FAT3: variants seen among roughly 807,000 people sequenced by gnomAD.
FAT3 encodes protocadherin Fat 3.
A neutral mutation model predicts 310.2 loss-of-function variants in FAT3; 95 were observed. The observed-to-expected ratio is 0.31, with a 90% confidence interval of 0.26 to 0.36. The LOEUF is 0.36. FAT3 is among the 10% of genes least tolerant of loss of function. The pLI is 1.00. For synonymous variants in FAT3, 2,314 were observed against 2,192.9 expected, an observed-to-expected ratio of 1.06 and a Z score of -1.54; for missense variants, 5,408 against 5,715.6, an observed-to-expected ratio of 0.95 and a Z score of 1.74.
chr11:92,886,758 G>A, intron 24 of FAT3: 1 of 446,204 alleles, frequency 2.2e-6, no homozygotes, highest in East Asian at 3.9e-5. Context: ...ACTTTTGGCT[G>A]TCAGCTGTTT....
At chr11:92,412,736 T>TATACACAC (rs1555038593) in intron 2 of FAT3, among the ~76,000 whole-genome samples, 6 of 14,962 alleles carry the variant, frequency 4.0e-4, no homozygotes, top group East Asian at 4.7e-3. Context: ...TATATATATA[T>TATACACAC]ATATATATAA....
At chr11:92,809,235 A>G (rs57222362) in intron 12 of FAT3, among the ~76,000 whole-genome samples, 2,265 of 151,434 alleles carry the variant, frequency 0.015, 72 homozygotes, top group African/African-American at 0.052. Flanking sequence ...CTCCGACTTG[A>G]CTCCTCCCCA....
At chr11:92,299,961 C>T (rs894775049) in intron 1 of FAT3, among the ~76,000 whole-genome samples, 13 of 152,120 alleles carry the variant, frequency 8.5e-5, no homozygotes, top group Non-Finnish European at 1.0e-4. Flanking sequence ...CTGACATTAA[C>T]CTTTCTTTTT....
chr11:92,629,652 C>T (rs572449), intron 3 of FAT3, among the ~76,000 whole-genome samples: 83,160 of 151,806 alleles, frequency 0.55, 23,844 homozygotes, highest in African/African-American at 0.72. Context: ...CTCAAGCAAT[C>T]CTCCTGCCTC....
chr11:92,877,483 A>G (rs1949561069), intron 22 of FAT3, among the ~76,000 whole-genome samples: 1 of 152,052 alleles, frequency 6.6e-6, no homozygotes, highest in South Asian at 2.1e-4. Flanking sequence ...TAAAGTAAAT[A>G]TGATGTGCTT....
rs149255689 is a variant in FAT3, at chr11:92,301,787, G to A, written c.-17-50309G>A. ...ATGTCCAAACTAGATCATCTTGTGT[G>A]CCTCATAGTGGGTCTAGAGTGTTGT... is the stretch of plus-strand genomic sequence containing the variant. On this transcript the variant is annotated intron_variant, in intron 1 of 27. Coordinates refer to ENST00000525166, the MANE Select transcript of FAT3 (RefSeq NM_001367949.2). 3.5e-4 allele frequency among the ~76,000 whole-genome samples: 54 copies of A among 152,150 alleles called. No individual in the cohort carries two copies. In the East Asian group the frequency reaches 6.8e-3, roughly 19 times the overall value.
intron 1 of FAT3, among the ~76,000 whole-genome samples, chr11:92,247,437 G>A (rs755716374): frequency 2.6e-5 from 4 of 151,316 alleles, no homozygotes; most frequent in East Asian, 2.0e-4. Flanking sequence ...GTAATTCACC[G>A]CACGTTTTCA....
intron 3 of FAT3, among the ~76,000 whole-genome samples, chr11:92,550,231 G>A (rs970521673): frequency 2.0e-5 from 3 of 151,962 alleles, no homozygotes; most frequent in Non-Finnish European, 4.4e-5. Flanking sequence ...TTCCAAAAGG[G>A]GTCTTTTTTT....
chr11:92,299,586 A>T (rs1303693509), intron 1 of FAT3, among the ~76,000 whole-genome samples: 1 of 152,130 alleles, frequency 6.6e-6, no homozygotes, highest in South Asian at 2.1e-4. Context: ...GAGCAAGGTA[A>T]CAACAGAGGG....
intron 3 of FAT3, among the ~76,000 whole-genome samples, chr11:92,594,997 ATGTGTGTGTG>A (rs56275316): frequency 1.5e-4 from 22 of 149,228 alleles, no homozygotes; most frequent in African/African-American, 5.4e-4. Context: ...TCATGAATAA[ATGTGTGTGTG>A]TGTGTGTGTG....
intron 2 of FAT3, among the ~76,000 whole-genome samples, chr11:92,382,615 C>T (rs1384240145): frequency 6.6e-6 from 1 of 152,130 alleles, no homozygotes; most frequent in Non-Finnish European, 1.5e-5. Context: ...TACCCATCAG[C>T]CTCCAGCTTG....
chr11:92,649,874 C>CATGT lies in FAT3; in HGVS notation c.3608-47508_3608-47507insGTAT, dbSNP rs1300301742. Among the ~76,000 whole-genome samples, 176 of 49,632 alleles carry CATGT rather than the reference C, an allele frequency of 3.5e-3. 1 individual carries two copies. Among genetic ancestry groups the CATGT allele is most frequent in the Middle Eastern group, 0.017 (1 of 60 alleles). 32.6% of individuals were successfully genotyped at this position (49,632 alleles called of 152,430 possible). ...TTGTTAAACACCCACTTTGTATGTT[C>CATGT]ATATATATATATATATATATATATA... On this transcript the variant is annotated intron_variant, in intron 3 of 27. Transcript: ENST00000525166.
chr11:92,588,151 C>G (rs954842322), intron 3 of FAT3, among the ~76,000 whole-genome samples: 2 of 151,960 alleles, frequency 1.3e-5, no homozygotes, highest in African/African-American at 4.8e-5. Flanking sequence ...ATGCTGTAGA[C>G]TTGGAGAGCA....
At chr11:92,308,149 G>A (rs189471730) in intron 1 of FAT3, among the ~76,000 whole-genome samples, 3 of 152,220 alleles carry the variant, frequency 2.0e-5, no homozygotes, top group Non-Finnish European at 2.9e-5. Context: ...GTGTGTATGT[G>A]AGTGTGTGTG....
intron 1 of FAT3, among the ~76,000 whole-genome samples, chr11:92,237,468 A>G (rs746053741): frequency 1.6e-4 from 24 of 152,106 alleles, no homozygotes; most frequent in Non-Finnish European, 2.9e-5. Context: ...CTTTTATATA[A>G]CTTTTAATCA....
chr11:92,489,666 C>T lies in FAT3; in HGVS notation c.3293-34968C>T, dbSNP rs533819008. Among the ~76,000 whole-genome samples, 13 of 152,156 alleles carry T rather than the reference C, an allele frequency of 8.5e-5. No homozygotes were observed. The South Asian group carries it at 2.7e-3, about 32-fold the overall frequency. On this transcript the variant is annotated intron_variant, in intron 2 of 27. Coordinates refer to ENST00000525166, the MANE Select transcript of FAT3 (RefSeq NM_001367949.2). ...TTAATATCTTTCCAAATTTATAACA[C>T]CTACCAGATGCTAATAGGACATCAT...
In FAT3 at chr11:92,797,866, C is replaced by A; in HGVS notation, c.4853C>A (p.Pro1618Gln). ...GNTGNMFKIEPVLGIITICKE... is the reference protein window; with the variant it reads ...GNTGNMFKIEQVLGIITICKE... ...ACTGGGAACATGTTTAAGATCGAACCGGTCCTAGGCATCATCACCATTTGC... is the reference window on the plus strand; with the variant it reads ...ACTGGGAACATGTTTAAGATCGAACAGGTCCTAGGCATCATCACCATTTGC... The change falls in exon 10 of 28, where the codon CCG becomes CAG. Residue 1618 changes from proline to glutamine, a missense_variant. Pro to Gln is a moderately conservative substitution (Grantham distance 76, BLOSUM62 -1). This residue lies in a region of FAT3 where 4,588 missense variants were observed against 4,809.8 expected (regional missense o/e 0.95). Transcript: ENST00000525166. 1 of 1,612,970 alleles carries A rather than the reference C, an allele frequency of 6.2e-7. No individual in the cohort carries two copies.
At chr11:92,325,790 C>T (rs536309389) in intron 1 of FAT3, among the ~76,000 whole-genome samples, 14 of 152,236 alleles carry the variant, frequency 9.2e-5, no homozygotes, top group Non-Finnish European at 1.6e-4. Flanking sequence ...CATCACCACG[C>T]CCAGCTAATT....
At chr11:92,471,093 G>A (rs1194894994) in intron 2 of FAT3, among the ~76,000 whole-genome samples, 2 of 151,958 alleles carry the variant, frequency 1.3e-5, no homozygotes, top group Non-Finnish European at 2.9e-5. Flanking sequence ...CCTTTGTGTT[G>A]GAGAATTTCA....
Sources: allele counts gnomAD v4.1 joint callset (sites outside exome capture counted in the v4.1 genomes callset), GRCh38; gene constraint gnomAD v4.1.1; regional missense constraint gnomAD v4.1.1; transcripts MANE v1.5; gene names NCBI Gene and HGNC (gene_info 2026-07-23, HGNC 2026-07-21).